The following RAB3C variants were observed in gnomAD, a reference collection of about 807,000 sequenced individuals.
RAB3C encodes the protein RAB3C, member RAS oncogene family.
Under a neutral mutation model 26.4 loss-of-function variants are expected in RAB3C, and 17 were observed. The observed-to-expected ratio is 0.64, with a 90% CI of 0.44 to 0.97. The LOEUF is 0.97. RAB3C is among the 50% of genes least tolerant of loss of function. The probability of loss-of-function intolerance (pLI) is 0.00; values close to 1 mark genes in which losing one functional copy is unlikely to be tolerated. For synonymous variants in RAB3C, 91 were observed against 95.9 expected (o/e 0.95, Z 0.30); for missense variants, 242 against 281.9 (o/e 0.86, Z 1.01).
chr5:58,830,715 G>A (rs1273759469), intron 4 of RAB3C, among the ~76,000 whole-genome samples: 2 of 152,152 alleles, frequency 1.3e-5, no homozygotes, highest in African/African-American at 4.8e-5. Flanking sequence ...GGTGGTGGAA[G>A]CCCTGAACTT....
At chr5:58,657,099 T>C (rs563630340) in intron 2 of RAB3C, among the ~76,000 whole-genome samples, 57 of 152,280 alleles carry the variant, frequency 3.7e-4, no homozygotes, top group South Asian at 3.1e-3. Context: ...CTGGATGAGA[T>C]TGGACACTAT....
At chr5:58,791,212 T>C (rs1460629224) in intron 3 of RAB3C, among the ~76,000 whole-genome samples, 1 of 152,198 alleles carries the variant, frequency 6.6e-6, no homozygotes, top group East Asian at 1.9e-4. Flanking sequence ...ACAAAAAGCC[T>C]TGTGATTGAG....
chr5:58,817,293 CA>C (rs1743238971), intron 3 of RAB3C, among the ~76,000 whole-genome samples: 2 of 151,828 alleles, frequency 1.3e-5, no homozygotes, highest in Admixed American at 1.3e-4. Flanking sequence ...GCAATTGTAC[CA>C]AAAAATATGA....
chr5:58,690,540 G>T (rs1748550109), intron 2 of RAB3C, among the ~76,000 whole-genome samples: 1 of 152,114 alleles, frequency 6.6e-6, no homozygotes, highest in Non-Finnish European at 1.5e-5. Context: ...TATGTTTGGG[G>T]CCACAGATTT....
At chr5:58,606,233 C>T (rs1362602689) in intron 1 of RAB3C, among the ~76,000 whole-genome samples, 1 of 152,212 alleles carries the variant, frequency 6.6e-6, no homozygotes, top group Non-Finnish European at 1.5e-5. Context: ...AACAGGCAGA[C>T]CAGGAAATTC....
At chr5:58,601,492 T>C (rs768573811) in intron 1 of RAB3C, among the ~76,000 whole-genome samples, 3 of 152,146 alleles carry the variant, frequency 2.0e-5, no homozygotes, top group Non-Finnish European at 4.4e-5. Flanking sequence ...TTTATGTTGG[T>C]AATTTTTTAA....
intron 2 of RAB3C, among the ~76,000 whole-genome samples, chr5:58,642,902 G>A (rs1747438141): frequency 6.6e-6 from 1 of 152,152 alleles, no homozygotes; most frequent in Non-Finnish European, 1.5e-5. Context: ...ATTGGTTGTG[G>A]CCACACAGAG....
At chr5:58,586,786 T>TA (rs1242518914) in intron 1 of RAB3C, among the ~76,000 whole-genome samples, 2 of 152,124 alleles carry the variant, frequency 1.3e-5, no homozygotes, top group African/African-American at 4.8e-5. Flanking sequence ...ACTATAGATG[T>TA]AGGCTGAAGA....
chr5:58,609,930 T>G (rs1464955298), intron 1 of RAB3C, among the ~76,000 whole-genome samples: 1 of 152,102 alleles, frequency 6.6e-6, no homozygotes, highest in African/African-American at 2.4e-5. Context: ...AGCAGTGAAC[T>G]GGTTCCTGCA....
intron 2 of RAB3C, among the ~76,000 whole-genome samples, chr5:58,670,825 C>T (rs1353923280): frequency 1.3e-5 from 2 of 152,184 alleles, no homozygotes; most frequent in African/African-American, 4.8e-5. Flanking sequence ...ATCATGATCT[C>T]ATTTCCACTA....
chr5:58,843,702 A>G (rs1008622171), intron 4 of RAB3C, among the ~76,000 whole-genome samples: 20 of 152,314 alleles, frequency 1.3e-4, no homozygotes, highest in Middle Eastern at 3.4e-3. Context: ...GAGCTGGTTT[A>G]ATTTGTTTTA....
At chr5:58,714,813 A>G (rs866401848) in intron 2 of RAB3C, among the ~76,000 whole-genome samples, 3 of 151,992 alleles carry the variant, frequency 2.0e-5, no homozygotes, top group Admixed American at 6.6e-5. Context: ...AAAATTTTCA[A>G]CCAAAGAGAA....
At chr5:58,769,082 G>A (rs891032705) in intron 3 of RAB3C, among the ~76,000 whole-genome samples, 15 of 151,984 alleles carry the variant, frequency 9.9e-5, no homozygotes, top group Non-Finnish European at 2.1e-4. Flanking sequence ...TGATGACAGG[G>A]GAGACCAAGA....
At position 58,833,952 on chromosome 5, in the gene RAB3C, TTTC is replaced by T. The variant is rs529887395; in HGVS notation, c.496+8793_496+8795del. On this transcript the variant is annotated intron_variant, in intron 4 of 4. Coordinates refer to ENST00000282878, the MANE Select transcript of RAB3C (RefSeq NM_138453.4). Reference sequence around the variant, plus strand: ...TATTGCATAGAGAGGTGACCACCCCTTTCTTTTTAATGAAATCGAAATAGATTT... The same window carrying T: ...TATTGCATAGAGAGGTGACCACCCCTTTTTTAATGAAATCGAAATAGATTT... 2.4e-3 allele frequency among the ~76,000 whole-genome samples: 373 copies of T among 152,328 alleles called. 3 individuals carry two copies. Among genetic ancestry groups the T allele is most frequent in the African/African-American group, 8.6e-3 (357 of 41,582 alleles).
intron 3 of RAB3C, among the ~76,000 whole-genome samples, chr5:58,793,324 C>T (rs1472544274): frequency 1.3e-5 from 2 of 151,986 alleles, no homozygotes; most frequent in South Asian, 2.1e-4. Flanking sequence ...TTTGGGGGGC[C>T]GAGGCAGGCA....
intron 1 of RAB3C, among the ~76,000 whole-genome samples, chr5:58,602,008 T>G (rs936819981): frequency 6.6e-6 from 1 of 152,094 alleles, no homozygotes; most frequent in African/African-American, 2.4e-5. Flanking sequence ...TTCCTCTTAG[T>G]ACTGCCTTAG....
intron 3 of RAB3C, among the ~76,000 whole-genome samples, chr5:58,792,794 T>C (rs1379977922): frequency 1.3e-5 from 2 of 152,104 alleles, no homozygotes; most frequent in Non-Finnish European, 1.5e-5. Context: ...TATGTGTATA[T>C]ATAAAACCTT....
chr5:58,658,707 C>T (rs1317529181), intron 2 of RAB3C, among the ~76,000 whole-genome samples: 1 of 152,104 alleles, frequency 6.6e-6, no homozygotes, highest in Non-Finnish European at 1.5e-5. Context: ...AATCATGATG[C>T]ATCTGTGATC....
chr5:58,741,275 T>A (rs996110685), intron 3 of RAB3C, among the ~76,000 whole-genome samples: 2 of 152,198 alleles, frequency 1.3e-5, no homozygotes, highest in Admixed American at 6.5e-5. Context: ...CAGAGAGGTT[T>A]TATTGGAGGT....
Sources: allele counts gnomAD v4.1 joint callset (sites outside exome capture counted in the v4.1 genomes callset), GRCh38; gene constraint gnomAD v4.1.1; transcripts MANE v1.5; gene names NCBI Gene and HGNC (gene_info 2026-07-23, HGNC 2026-07-21).